EPHA6: variants seen among roughly 807,000 people sequenced by gnomAD.
EPHA6 encodes EPH receptor A6.
A neutral mutation model predicts 112.0 loss-of-function variants in EPHA6; 50 were observed. That is an observed-to-expected ratio of 0.45 (90% confidence interval 0.36 to 0.56). The LOEUF is 0.56. Ranked by LOEUF, EPHA6 falls within the 20% of genes least tolerant of loss-of-function variation. The pLI is 0.00. For synonymous variants in EPHA6, 529 were observed against 490.7 expected, an observed-to-expected ratio of 1.08 and a Z score of -1.03; for missense variants, 1,280 against 1,417.4, an observed-to-expected ratio of 0.90 and a Z score of 1.56.
At chr3:97,000,291 A>ACG (rs59071182) in intron 3 of EPHA6, among the ~76,000 whole-genome samples, 1 of 151,432 alleles carries the variant, frequency 6.6e-6, no homozygotes, top group African/African-American at 2.4e-5. Flanking sequence ...ACACACACAC[A>ACG]CATATATATA....
chr3:97,750,174 CAG>C lies in EPHA6; in HGVS notation c.*1476_*1477del, dbSNP rs2035862153. On this transcript the variant is annotated 3_prime_UTR_variant, in exon 18 of 18. Transcript: ENST00000389672. Reference sequence around the variant, plus strand: ...AGTAAAATGTGTTGAGAGAAAAAAACAGAGTAGGTTGTCTAAAGATGCTGATT... The same window carrying C: ...AGTAAAATGTGTTGAGAGAAAAAAACAGTAGGTTGTCTAAAGATGCTGATT... Among the ~76,000 whole-genome samples, 1 of 151,932 alleles carries C rather than the reference CAG, an allele frequency of 6.6e-6. No individual in the cohort carries two copies. The highest frequency in any genetic ancestry group is 2.4e-5 in the African/African-American group (1 of 41,378).
rs943022666 is a variant in EPHA6 at position 97,753,650 on chromosome 3, C to A, written c.*4949C>A. On this transcript the variant is annotated 3_prime_UTR_variant, in exon 18 of 18. Transcript: ENST00000389672. ...TTTTCAAGAGCAATTCTGGAGTAAT[C>A]TCTTGTTCAAGCTTATTCACTTGTT... is the stretch of plus-strand genomic sequence containing the variant. 9.9e-5 allele frequency among the ~76,000 whole-genome samples: 15 copies of A among 152,066 alleles called. No individual in the cohort carries two copies. The highest frequency in any genetic ancestry group is 9.2e-4 in the Admixed American group (14 of 15,244).
At chr3:97,014,429 C>G (rs1263848160) in intron 3 of EPHA6, among the ~76,000 whole-genome samples, 1 of 151,614 alleles carries the variant, frequency 6.6e-6, no homozygotes, top group African/African-American at 2.4e-5. Context: ...TTCCCTCCCA[C>G]CTTCCTTCTT....
intron 3 of EPHA6, among the ~76,000 whole-genome samples, chr3:97,144,409 C>G (rs192923319): frequency 2.9e-4 from 43 of 150,604 alleles, no homozygotes; most frequent in Middle Eastern, 7.0e-3. Flanking sequence ...TGCACCCCAG[C>G]TCATTTTTTA....
chr3:96,905,412 G>A (rs752852445), intron 2 of EPHA6, among the ~76,000 whole-genome samples: 6 of 151,520 alleles, frequency 4.0e-5, no homozygotes, highest in Admixed American at 1.3e-4. Flanking sequence ...TTTTCACTCC[G>A]TGGCACTTGG....
At chr3:97,055,615 A>G (rs1237166144) in intron 3 of EPHA6, among the ~76,000 whole-genome samples, 4 of 152,168 alleles carry the variant, frequency 2.6e-5, no homozygotes, top group African/African-American at 9.7e-5. Context: ...CTTGTTAGAT[A>G]AAATGTAATG....
At chr3:97,453,283 T>G (rs765294073) in intron 7 of EPHA6, among the ~76,000 whole-genome samples, 44 of 151,692 alleles carry the variant, frequency 2.9e-4, no homozygotes, top group Admixed American at 5.3e-4. Context: ...AATTGGAATT[T>G]TACATGTAGT....
chr3:97,426,252 T>C (rs2089112545), intron 6 of EPHA6, among the ~76,000 whole-genome samples: 1 of 152,162 alleles, frequency 6.6e-6, no homozygotes, highest in South Asian at 2.1e-4. Flanking sequence ...CACAGTTCCA[T>C]ATAGCTGGGG....
intron 10 of EPHA6, among the ~76,000 whole-genome samples, chr3:97,508,124 T>C (rs760794989): frequency 2.0e-5 from 3 of 152,090 alleles, no homozygotes; most frequent in Non-Finnish European, 4.4e-5. Flanking sequence ...CCTGGATTCA[T>C]TGATTTTTTT....
At chr3:97,412,074 C>T (rs147106001) in intron 6 of EPHA6, among the ~76,000 whole-genome samples, 4 of 152,112 alleles carry the variant, frequency 2.6e-5, no homozygotes, top group African/African-American at 7.2e-5. Flanking sequence ...GCTCAAATTC[C>T]ATGGTGCCAT....
intron 11 of EPHA6, among the ~76,000 whole-genome samples, chr3:97,536,767 G>GT (rs1261732603): frequency 6.6e-6 from 1 of 152,030 alleles, no homozygotes; most frequent in Non-Finnish European, 1.5e-5. Flanking sequence ...TTCTGCTACT[G>GT]TATTACTGTA....
intron 16 of EPHA6, among the ~76,000 whole-genome samples, chr3:97,739,237 C>A (rs2035400643): frequency 6.6e-6 from 1 of 152,070 alleles, no homozygotes; most frequent in South Asian, 2.1e-4. Flanking sequence ...GGTGTATAAT[C>A]CACTGCAACT....
chr3:97,665,700 C>G (rs774824267), intron 14 of EPHA6, among the ~76,000 whole-genome samples: 3 of 152,208 alleles, frequency 2.0e-5, no homozygotes, highest in Non-Finnish European at 4.4e-5. Flanking sequence ...CATCAATACA[C>G]ACATCTTCCA....
At chr3:97,702,708 G>A (rs59192438) in intron 14 of EPHA6, among the ~76,000 whole-genome samples, 9,355 of 152,080 alleles carry the variant, frequency 0.062, 921 homozygotes, top group African/African-American at 0.21. Context: ...CTTTTAGCAG[G>A]TAGCATGTAG....
intron 3 of EPHA6, among the ~76,000 whole-genome samples, chr3:97,111,462 C>T (rs530216853): frequency 3.3e-5 from 5 of 151,820 alleles, no homozygotes; most frequent in Non-Finnish European, 5.9e-5. Flanking sequence ...AGCTGTGTGG[C>T]AATATCTAAT....
intron 2 of EPHA6, among the ~76,000 whole-genome samples, chr3:96,936,592 CT>C (rs1349690963): frequency 6.6e-5 from 10 of 150,686 alleles, no homozygotes; most frequent in Admixed American, 1.3e-4. Flanking sequence ...TGTTGATGTT[CT>C]TTTTTTAATT....
Position 96,987,449 on chromosome 3 carries a change from A to C in EPHA6, c.570A>C (p.Ala190=). 6.2e-7 allele frequency: 1 copy of C among 1,613,972 alleles called. No homozygotes were observed. Among genetic ancestry groups the C allele is most frequent in the Non-Finnish European group, 8.5e-7 (1 of 1,179,866 alleles). The change falls in exon 3 of 18, where the codon GCA becomes GCC. Residue 190 remains alanine, a synonymous_variant. Transcript: ENST00000389672. ...WLRTNWISRD[A]AQKIYVEMKF... ...GTACAAACTGGATCTCCCGTGATGC[A>C]GCTCAGAAAATTTATGTGGAAATGA...
At position 97,296,372 on chromosome 3, in the gene EPHA6, G is replaced by T. The variant is rs138445427; in HGVS notation, c.1606+52085G>T. Among the ~76,000 whole-genome samples the T allele has an allele frequency of 7.4e-4, 113 of 152,268 alleles. 1 individual carries two copies. The highest frequency in any genetic ancestry group is 2.7e-3 in the African/African-American group (111 of 41,556). On this transcript the variant is annotated intron_variant, in intron 5 of 17. Coordinates refer to ENST00000389672, the MANE Select transcript of EPHA6 (RefSeq NM_001080448.3). The stretch of plus-strand genomic sequence containing the variant: ...TGGGATGGGGGCAGTGCAAGGGAAG[G>T]TATGCCTGTTCTGTTTTCCTGGTGA...
At chr3:97,029,290 T>TTA (rs2044745418) in intron 3 of EPHA6, among the ~76,000 whole-genome samples, 1 of 151,598 alleles carries the variant, frequency 6.6e-6, no homozygotes, top group African/African-American at 2.4e-5. Flanking sequence ...GTAAAAATTA[T>TTA]TATATAATTA....
Sources: allele counts gnomAD v4.1 joint callset (sites outside exome capture counted in the v4.1 genomes callset), GRCh38; gene constraint gnomAD v4.1.1; transcripts MANE v1.5; gene names NCBI Gene and HGNC (gene_info 2026-07-23, HGNC 2026-07-21).